Variants in PKHD1 observed in about 807,000 individuals in gnomAD.
PKHD1 encodes the protein fibrocystin.
A neutral mutation model predicts 412.0 loss-of-function variants in PKHD1; 291 were observed. That is an observed-to-expected ratio of 0.71 (90% CI 0.64 to 0.78). The LOEUF (loss-of-function observed/expected upper bound fraction) is 0.78. Among genes scored for constraint, PKHD1 ranks in the 30% least tolerant of loss-of-function variants. PKHD1 has a pLI of 0.00. For synonymous variants in PKHD1, 1,777 were observed against 1,821.5 expected (o/e 0.98, Z 0.62); for missense variants, 4,825 against 4,950.7 (o/e 0.97, Z 0.76).
intron 60 of PKHD1, among the ~76,000 whole-genome samples, chr6:51,726,646 C>T (rs1404227035): frequency 1.3e-5 from 2 of 152,172 alleles, no homozygotes; most frequent in Admixed American, 6.5e-5. Flanking sequence ...GATGTTTATC[C>T]TACAGAGTGG....
intron 37 of PKHD1, among the ~76,000 whole-genome samples, chr6:51,926,358 C>G (rs1785624838): frequency 6.6e-6 from 1 of 152,094 alleles, no homozygotes. Flanking sequence ...CAAGTTTTTT[C>G]TTTTCGCCTC....
chr6:51,849,814 T>C (rs1018938523), intron 49 of PKHD1, among the ~76,000 whole-genome samples: 1 of 152,240 alleles, frequency 6.6e-6, no homozygotes, highest in African/African-American at 2.4e-5. Flanking sequence ...GATGGGTAGA[T>C]TGCAGAAATA....
intron 35 of PKHD1, among the ~76,000 whole-genome samples, chr6:52,006,822 G>GT (rs1469073047): frequency 6.6e-6 from 1 of 152,098 alleles, no homozygotes; most frequent in African/African-American, 2.4e-5. Context: ...CCAATTTGTA[G>GT]TATTTTATCC....
Position 52,073,582 on chromosome 6 carries a change from C to CAA in PKHD1, c.449-43_449-42dup, listed in dbSNP as rs778022789. On this transcript the variant is annotated intron_variant, in intron 6 of 66. Transcript: ENST00000371117. ...TTTTTTTAATTTAATGGACTTAGCT[C>CAA]AAACTCAATGTATAATAAAAAACCA... 29 of 1,118,460 alleles carry CAA rather than the reference C, an allele frequency of 2.6e-5. No individual in the cohort carries two copies. In the African/African-American group the frequency reaches 3.2e-4, roughly 12 times the overall value. The allele number at this position is 1,118,460 out of a possible 1,614,324, so 69.3% of individuals were successfully genotyped here. A position where few individuals can be genotyped will look rare whatever the true frequency, so the allele number is the denominator to read the frequency against.
At chr6:51,647,373 G>A (rs576232817) in intron 63 of PKHD1, among the ~76,000 whole-genome samples, 1 of 152,258 alleles carries the variant, frequency 6.6e-6, no homozygotes, top group Non-Finnish European at 1.5e-5. Context: ...TCCTTCTGCA[G>A]AATATGTTGC....
intron 60 of PKHD1, among the ~76,000 whole-genome samples, chr6:51,725,613 G>A (rs1222697343): frequency 6.6e-6 from 1 of 152,270 alleles, no homozygotes; most frequent in South Asian, 2.1e-4. Context: ...AATTAATGGT[G>A]GTTTAATGGG....
chr6:51,658,939 A>G lies in PKHD1; in HGVS notation c.11174+13T>C, dbSNP rs2150410720. The stretch of plus-strand genomic sequence containing the variant: ...TCAGCCCTCATTTGGATGTGAATAT[A>G]ATTAGTACTTACCCATAGCCAATGA... On this transcript the variant is annotated intron_variant, in intron 61 of 66. Transcript: ENST00000371117. 2 of 1,575,722 alleles carry G rather than the reference A, an allele frequency of 1.3e-6. No homozygotes were observed. The highest frequency in any genetic ancestry group is 1.7e-6 in the Non-Finnish European group (2 of 1,145,186).
chr6:52,068,241 G>C (rs1289480998), intron 11 of PKHD1, among the ~76,000 whole-genome samples: 1 of 152,150 alleles, frequency 6.6e-6, no homozygotes, highest in African/African-American at 2.4e-5. Context: ...CCCCTGAGGA[G>C]CTCAGCCCAG....
intron 4 of PKHD1, 60 bp from the exon 5 acceptor site, chr6:52,080,068 G>A (rs1811828149): frequency 1.0e-6 from 1 of 955,770 alleles, no homozygotes. Flanking sequence ...AAAGCTAGCA[G>A]CCCACTTGCC....
chr6:51,998,928 C>T (rs1288582532), intron 35 of PKHD1, among the ~76,000 whole-genome samples: 2 of 152,134 alleles, frequency 1.3e-5, no homozygotes, highest in Non-Finnish European at 2.9e-5. Context: ...TTGGGATATC[C>T]ACAACCCTGC....
chr6:52,023,040 C>T, intron 32 of PKHD1, 96 bp from the exon 33 acceptor site: 2 of 1,380,844 alleles, frequency 1.4e-6, no homozygotes, highest in Non-Finnish European at 2.0e-6. Context: ...ACTACCCATT[C>T]TTCTTTTCAC....
chr6:51,808,398 G>T (rs1764172394), intron 52 of PKHD1, among the ~76,000 whole-genome samples: 1 of 151,948 alleles, frequency 6.6e-6, no homozygotes, highest in African/African-American at 2.4e-5. Context: ...TTTTCTCTTT[G>T]AATTTTGAAC....
At chr6:51,703,763 G>C (rs1779709286) in intron 60 of PKHD1, among the ~76,000 whole-genome samples, 1 of 151,908 alleles carries the variant, frequency 6.6e-6, no homozygotes, top group African/African-American at 2.4e-5. Context: ...AAAGAATCTT[G>C]CAAACTTTTC....
chr6:51,621,441 A>C (rs970432219), intron 66 of PKHD1, among the ~76,000 whole-genome samples: 1 of 152,246 alleles, frequency 6.6e-6, no homozygotes, highest in Non-Finnish European at 1.5e-5. Flanking sequence ...ATAGTGCTTC[A>C]TACAAGAGGA....
chr6:51,946,684 C>A (rs1403446689), intron 36 of PKHD1, among the ~76,000 whole-genome samples: 5 of 152,046 alleles, frequency 3.3e-5, no homozygotes, highest in Admixed American at 3.3e-4. Context: ...TGACTATGTC[C>A]CACAAGTAAC....
intron 65 of PKHD1, among the ~76,000 whole-genome samples, chr6:51,631,845 T>TA (rs1293877886): frequency 1.3e-5 from 2 of 151,314 alleles, no homozygotes; most frequent in East Asian, 3.9e-4. Flanking sequence ...ATTCCTATGC[T>TA]AAAAAACAAA....
intron 60 of PKHD1, among the ~76,000 whole-genome samples, chr6:51,720,380 C>T (rs552895429): frequency 2.8e-4 from 42 of 152,288 alleles, no homozygotes; most frequent in African/African-American, 9.9e-4. Context: ...CATATCCAGC[C>T]TCATCTCAGG....
At chr6:51,701,220 T>C (rs1328603655) in intron 60 of PKHD1, among the ~76,000 whole-genome samples, 1 of 152,162 alleles carries the variant, frequency 6.6e-6, no homozygotes, top group Non-Finnish European at 1.5e-5. Flanking sequence ...TGAGATCTTT[T>C]TAAAAAAATT....
At position 52,083,831 on chromosome 6, in the gene PKHD1, C is replaced by T. The variant is rs188122982; in HGVS notation, c.53-576G>A. On this transcript the variant is annotated intron_variant, in intron 2 of 66. Transcript: ENST00000371117. The stretch of plus-strand genomic sequence containing the variant: ...AGCTGTTCCTATTTCAATTCTCCTG[C>T]TCAATATACTGCTTAATATACTAGT... 9.6e-3 allele frequency among the ~76,000 whole-genome samples: 1,460 copies of T among 152,178 alleles called. 12 individuals carry two copies. Among genetic ancestry groups the T allele is most frequent in the Middle Eastern group, 0.027 (8 of 294 alleles).
Sources: allele counts gnomAD v4.1 joint callset (sites outside exome capture counted in the v4.1 genomes callset), GRCh38; gene constraint gnomAD v4.1.1; transcripts MANE v1.5; gene names NCBI Gene and HGNC (gene_info 2026-07-23, HGNC 2026-07-21).